Variants in DPP10 observed in about 807,000 individuals in gnomAD.
The protein encoded by DPP10 is inactive dipeptidyl peptidase 10.
In DPP10, 33 loss-of-function variants were observed where a neutral mutation model predicts 120.9. That is an observed-to-expected ratio of 0.27 (90% CI 0.21 to 0.37). The LOEUF (loss-of-function observed/expected upper bound fraction) is 0.37, where lower values mean the gene tolerates loss of function less well. DPP10 is among the 10% of genes least tolerant of loss of function. The pLI is 1.00. For synonymous variants in DPP10, 337 were observed against 326.1 expected (o/e 1.03, Z -0.36); for missense variants, 816 against 942.8 (o/e 0.87, Z 1.76).
chr2:115,216,727 G>C (rs565954902), intron 1 of DPP10, among the ~76,000 whole-genome samples: 1 of 152,096 alleles, frequency 6.6e-6, no homozygotes, highest in Non-Finnish European at 1.5e-5. Flanking sequence ...GGAAGTTGCC[G>C]TGAGCCCGGA....
intron 5 of DPP10, among the ~76,000 whole-genome samples, chr2:115,571,116 C>T (rs944921436): frequency 6.6e-6 from 1 of 152,072 alleles, no homozygotes; most frequent in South Asian, 2.1e-4. Flanking sequence ...TTACTGGACT[C>T]GATAAGGAAG....
chr2:114,497,922 G>A (rs910089852), intron 1 of DPP10, among the ~76,000 whole-genome samples: 4 of 152,246 alleles, frequency 2.6e-5, no homozygotes, highest in South Asian at 4.1e-4. Flanking sequence ...ACTCGTCTAC[G>A]GAAGGTGTAT....
At position 115,840,788 on chromosome 2, in the gene DPP10, C is replaced by T. The variant is rs1236022293; in HGVS notation, c.2221C>T (p.His741Tyr). The change falls in exon 25 of 26, where the codon CAC becomes TAC. Residue 741 changes from histidine (H) to tyrosine (Y), a missense_variant. Around this residue, in one of 3 missense-constraint regions of DPP10, gnomAD observed 592 missense variants for 649.0 expected, o/e 0.91. Transcript: ENST00000410059. ...HFQHSAELIK[H>Y]LIKAGVNYTM... is the part of the protein sequence containing the mutation. ...CCAACACTCAGCAGAATTAATCAAG[C>T]ACCTAATAAAAGCTGGAGTGAATTA... 5 of 1,613,574 alleles carry T rather than the reference C, an allele frequency of 3.1e-6. No homozygotes were observed. The African/African-American group carries it at 6.7e-5, about 22-fold the overall frequency.
chr2:114,599,627 T>G (rs1014189522), intron 1 of DPP10, among the ~76,000 whole-genome samples: 1 of 151,796 alleles, frequency 6.6e-6, no homozygotes, highest in African/African-American at 2.4e-5. Context: ...TTAAAATCTA[T>G]CCACTTGTTT....
intron 1 of DPP10, among the ~76,000 whole-genome samples, chr2:114,888,942 T>C (rs1308496040): frequency 6.6e-6 from 1 of 152,204 alleles, no homozygotes; most frequent in Non-Finnish European, 1.5e-5. Flanking sequence ...TAACCCTCAA[T>C]ACTTCAGAAT....
chr2:114,625,149 T>G (rs1039448958), intron 1 of DPP10, among the ~76,000 whole-genome samples: 2 of 152,012 alleles, frequency 1.3e-5, no homozygotes, highest in Non-Finnish European at 2.9e-5. Flanking sequence ...TGCTAAAGTC[T>G]TTCTTGATCT....
At chr2:115,271,107 T>A (rs1313099146) in intron 1 of DPP10, among the ~76,000 whole-genome samples, 1 of 152,340 alleles carries the variant, frequency 6.6e-6, no homozygotes, top group South Asian at 2.1e-4. Flanking sequence ...TTAAAGGGAA[T>A]TTGCATTTAG....
intron 1 of DPP10, among the ~76,000 whole-genome samples, chr2:114,836,622 G>A (rs1277289317): frequency 1.3e-5 from 2 of 152,184 alleles, no homozygotes; most frequent in Non-Finnish European, 2.9e-5. Flanking sequence ...TGCTAATGAA[G>A]TTTCGGGCAC....
intron 4 of DPP10, among the ~76,000 whole-genome samples, chr2:115,517,085 G>T (rs896836170): frequency 1.3e-5 from 2 of 152,080 alleles, no homozygotes; most frequent in African/African-American, 4.8e-5. Flanking sequence ...ACTTTCACAT[G>T]CCCTGTAATC....
At chr2:115,006,020 T>C (rs1009909786) in intron 1 of DPP10, among the ~76,000 whole-genome samples, 8 of 152,142 alleles carry the variant, frequency 5.3e-5, no homozygotes, top group African/African-American at 1.4e-4. Flanking sequence ...GTGGATCTCT[T>C]GGCAGAAACC....
In DPP10 at chr2:114,500,764, A is replaced by G. The variant is rs144124018; in HGVS notation, c.60+57926A>G. Among the ~76,000 whole-genome samples, 474 of 152,332 alleles carry G rather than the reference A, an allele frequency of 3.1e-3. 3 individuals carry two copies. Among genetic ancestry groups the G allele is most frequent in the African/African-American group, 0.011 (458 of 41,578 alleles). On this transcript the variant is annotated intron_variant, in intron 1 of 25. Transcript: ENST00000410059. Reference sequence around the variant, plus strand: ...GATGTACTAGGAAACAAAATCATTGAATCTGAAACACTGTTGTCTTTGGAA... The same window carrying G: ...GATGTACTAGGAAACAAAATCATTGGATCTGAAACACTGTTGTCTTTGGAA...
At chr2:114,664,837 A>G in intron 1 of DPP10, among the ~76,000 whole-genome samples, 1 of 150,490 alleles carries the variant, frequency 6.6e-6, no homozygotes, top group East Asian at 1.9e-4. Context: ...GATGGCAGAG[A>G]GCATCCAAAA....
intron 1 of DPP10, among the ~76,000 whole-genome samples, chr2:114,945,419 C>T (rs1697270727): frequency 1.3e-5 from 2 of 152,026 alleles, no homozygotes; most frequent in Admixed American, 1.3e-4. Context: ...TTTAAATGGG[C>T]AAAAGATCTG....
chr2:114,960,659 C>G (rs533231772), intron 1 of DPP10, among the ~76,000 whole-genome samples: 1 of 152,086 alleles, frequency 6.6e-6, no homozygotes, highest in Non-Finnish European at 1.5e-5. Context: ...TAATAACACT[C>G]GCACAGTGGT....
At chr2:114,619,132 C>T (rs990838971) in intron 1 of DPP10, among the ~76,000 whole-genome samples, 5 of 151,798 alleles carry the variant, frequency 3.3e-5, no homozygotes, top group Middle Eastern at 3.4e-3. Context: ...AGGAATCAGA[C>T]GAGAACCTTA....
chr2:114,764,014 G>T (rs1024236496), intron 1 of DPP10, among the ~76,000 whole-genome samples: 1 of 152,068 alleles, frequency 6.6e-6, no homozygotes, highest in Non-Finnish European at 1.5e-5. Flanking sequence ...TTAAATTTGG[G>T]ACACTGAAAA....
chr2:114,949,105 A>G (rs1416137735), intron 1 of DPP10, among the ~76,000 whole-genome samples: 1 of 152,024 alleles, frequency 6.6e-6, no homozygotes, highest in Non-Finnish European at 1.5e-5. Flanking sequence ...TTGTATTTTT[A>G]GTAGAGACGG....
chr2:115,629,525 G>T (rs1239478329), intron 5 of DPP10, among the ~76,000 whole-genome samples: 1 of 152,166 alleles, frequency 6.6e-6, no homozygotes, highest in African/African-American at 2.4e-5. Flanking sequence ...GTGTGAGATG[G>T]TATCTCATTG....
rs182529392 is a variant in DPP10 at position 115,303,055 on chromosome 2, T to C, written c.61-6184T>C. Among the ~76,000 whole-genome samples, 4 of 152,144 alleles carry C rather than the reference T, an allele frequency of 2.6e-5. No individual in the cohort carries two copies. The East Asian group carries it at 5.8e-4, about 22-fold the overall frequency. ...TGTTTCTCCTAATACTAGACAATAG[T>C]CCATAATGTTTGTTATTTATACTAA... is the stretch of plus-strand genomic sequence containing the variant. On this transcript the variant is annotated intron_variant, in intron 1 of 25. Transcript: ENST00000410059.
Sources: gnomAD v4.1 joint callset for allele counts (sites outside exome capture counted in the v4.1 genomes callset) on GRCh38, gnomAD v4.1.1 for gene constraint, gnomAD v4.1.1 regional missense constraint, MANE v1.5 for transcripts, NCBI Gene and HGNC (gene_info 2026-07-23, HGNC 2026-07-21) for gene names.